Variants in TAB2 observed in about 807,000 individuals in gnomAD.
TAB2 encodes the protein TGF-beta activated kinase 1 (MAP3K7) binding protein 2, also known as TGF-beta-activated kinase 1 and MAP3K7-binding protein 2.
Under a neutral mutation model 65.0 loss-of-function variants are expected in TAB2, and 3 were observed. The observed-to-expected ratio is 0.05, with a 90% CI of 0.02 to 0.12. TAB2 has a LOEUF of 0.12. Ranked by LOEUF, TAB2 falls within the 10% of genes least tolerant of loss-of-function variation. The pLI, the probability that TAB2 is intolerant of heterozygous loss-of-function variation, is 1.00. For synonymous variants in TAB2, 298 were observed against 285.1 expected, an observed-to-expected ratio of 1.05 and a Z score of -0.46; for missense variants, 623 against 840.3, an observed-to-expected ratio of 0.74 and a Z score of 3.20.
intron 1 of TAB2, among the ~76,000 whole-genome samples, chr6:149,229,420 T>G (rs62425950): frequency 9.8e-5 from 12 of 122,078 alleles, no homozygotes; most frequent in Admixed American, 4.8e-4. Flanking sequence ...GTGTGTGTGT[T>G]TGTGTGTGTG....
At chr6:149,256,142 T>TA (rs1778028438) in intron 1 of TAB2, among the ~76,000 whole-genome samples, 1 of 152,156 alleles carries the variant, frequency 6.6e-6, no homozygotes, top group African/African-American at 2.4e-5. Flanking sequence ...AAGTTAATTT[T>TA]AAAAAAAGGA....
chr6:149,303,527 C>A (rs61674197), intron 1 of TAB2, among the ~76,000 whole-genome samples: 10,408 of 152,178 alleles, frequency 0.068, 492 homozygotes, highest in East Asian at 0.16. Flanking sequence ...ATACATAAAT[C>A]TATGTATGTT....
chr6:149,401,334 T>A (rs1046961501), intron 6 of TAB2: 4 of 165,050 alleles, frequency 2.4e-5, no homozygotes, highest in Non-Finnish European at 4.4e-5. Context: ...CATTTTATAT[T>A]TAAAGACACA....
chr6:149,409,506 T>G, intron 6 of TAB2, 71 bp from the exon 7 acceptor site: 1 of 1,444,578 alleles, frequency 6.9e-7, no homozygotes, highest in South Asian at 1.2e-5. Context: ...ACAAATGGTG[T>G]TTAAAGTTGC....
intron 1 of TAB2, among the ~76,000 whole-genome samples, chr6:149,284,749 A>G (rs529896588): frequency 6.6e-6 from 1 of 152,082 alleles, no homozygotes; most frequent in East Asian, 1.9e-4. Flanking sequence ...GGCATACCTT[A>G]TTTATCCATC....
intron 1 of TAB2, among the ~76,000 whole-genome samples, chr6:149,350,669 C>G (rs2114804519): frequency 7.4e-6 from 1 of 134,566 alleles, no homozygotes; most frequent in Admixed American, 8.4e-5. Flanking sequence ...GGCTGGAGTG[C>G]AGTGGCACAA....
chr6:149,387,523 A>C (rs1279995717), intron 3 of TAB2, among the ~76,000 whole-genome samples: 1 of 152,134 alleles, frequency 6.6e-6, no homozygotes, highest in Non-Finnish European at 1.5e-5. Context: ...TTTTATTATT[A>C]AATTGGGACA....
At chr6:149,264,025 A>T (rs191540758) in intron 1 of TAB2, among the ~76,000 whole-genome samples, 129 of 152,336 alleles carry the variant, frequency 8.5e-4, no homozygotes, top group African/African-American at 2.8e-3. Context: ...GCTGAAGGCA[A>T]TGCCTATTCT....
chr6:149,383,242 A>G (rs1054355854), intron 3 of TAB2, among the ~76,000 whole-genome samples: 1 of 152,168 alleles, frequency 6.6e-6, no homozygotes. Context: ...CTTTCAGAGG[A>G]CACCTGAAAG....
rs143005629 is a variant in TAB2 at position 149,223,145 on chromosome 6, T to C, written c.-121+4369T>C. Among the ~76,000 whole-genome samples, 1,515 of 152,326 alleles carry C rather than the reference T, an allele frequency of 9.9e-3. 14 individuals are homozygous for C. The highest frequency in any genetic ancestry group is 0.02 in the Middle Eastern group (6 of 294). On this transcript the variant is annotated intron_variant, in intron 1 of 1. Coordinates refer to the TAB2 transcript ENST00000606202. ...TACAAAAAACAAACTCAAAAGACTA[T>C]CTTATTAAATTCAAAAGGAATGTTT...
chr6:149,331,803 C>T (rs926654047), intron 1 of TAB2, among the ~76,000 whole-genome samples: 1 of 152,090 alleles, frequency 6.6e-6, no homozygotes, highest in Admixed American at 6.6e-5. Context: ...GGCTTTTATT[C>T]TTTAAGCTGG....
At chr6:149,271,022 ATC>A (rs1778351506) in intron 1 of TAB2, among the ~76,000 whole-genome samples, 1 of 151,450 alleles carries the variant, frequency 6.6e-6, no homozygotes, top group Non-Finnish European at 1.5e-5. Flanking sequence ...ATGTCGCTCT[ATC>A]TCTCTGCACC....
At chr6:149,317,428 C>G (rs1779285439), upstream of TAB2, 1 of 174,854 alleles carries the variant, frequency 5.7e-6, no homozygotes, top group Non-Finnish European at 1.2e-5. The surrounding 1 kb of genome is among the most constrained non-coding windows in gnomAD (Gnocchi z 4.7). Flanking sequence ...GCCGCCGCCG[C>G]CGCCGCCGCC....
intron 2 of TAB2, among the ~76,000 whole-genome samples, chr6:149,377,009 G>A (rs987334414): frequency 1.3e-5 from 2 of 151,286 alleles, no homozygotes; most frequent in Non-Finnish European, 1.5e-5. Flanking sequence ...AAGAGGAAGC[G>A]TGTGAAGGAT....
intron 1 of TAB2, among the ~76,000 whole-genome samples, chr6:149,310,806 A>G (rs1779153873): frequency 6.6e-6 from 1 of 152,256 alleles, no homozygotes; most frequent in Non-Finnish European, 1.5e-5. Flanking sequence ...TGTTAATAGA[A>G]TAACAATTCT....
At chr6:149,371,975 T>C (rs1347319120) in intron 2 of TAB2, among the ~76,000 whole-genome samples, 1 of 152,106 alleles carries the variant, frequency 6.6e-6, no homozygotes, top group Non-Finnish European at 1.5e-5. Context: ...AAAGAGAATT[T>C]TGTGGTAAAA....
At position 149,363,375 on chromosome 6, in the gene TAB2, CATG is replaced by C. The variant is rs571322443; in HGVS notation, c.-89-6533_-89-6531del. On this transcript the variant is annotated intron_variant, in intron 1 of 6. Coordinates refer to ENST00000637181, the MANE Select transcript of TAB2 (RefSeq NM_001292034.3). ...TGTGGAGAAACAGCTCAGTCTTGAC[CATG>C]GTTACCTCTACAGAGTAGGAATCAA... Among the ~76,000 whole-genome samples the C allele has an allele frequency of 2.7e-4, 41 of 152,248 alleles. No homozygotes were observed. The South Asian group carries it at 8.5e-3, about 32-fold the overall frequency.
At chr6:149,333,204 A>G (rs988904482) in intron 1 of TAB2, among the ~76,000 whole-genome samples, 4 of 152,242 alleles carry the variant, frequency 2.6e-5, no homozygotes, top group African/African-American at 9.6e-5. Flanking sequence ...ATTCTGGAGT[A>G]CAGGTTGTGG....
In TAB2 at chr6:149,250,029, G is replaced by A. The variant is rs1052981314; in HGVS notation, c.-121+31253G>A. ...GTAGGAGTTTCCTGGCAAAGGACAGGAAGGGCATTCCAGGGAGAGGAGGCA... is the reference window on the plus strand; with the variant it reads ...GTAGGAGTTTCCTGGCAAAGGACAGAAAGGGCATTCCAGGGAGAGGAGGCA... On this transcript the variant is annotated intron_variant, in intron 1 of 1. Transcript: ENST00000606202. 1.1e-4 allele frequency among the ~76,000 whole-genome samples: 17 copies of A among 152,158 alleles called. 1 individual carries two copies. The highest frequency in any genetic ancestry group is 2.0e-4 in the Admixed American group (3 of 15,276).
Sources: allele counts gnomAD v4.1 joint callset (sites outside exome capture counted in the v4.1 genomes callset), GRCh38; gene constraint gnomAD v4.1.1; non-coding constraint Gnocchi (gnomAD v3.1); transcripts MANE v1.5; gene names NCBI Gene and HGNC (gene_info 2026-07-23, HGNC 2026-07-21).